KIAA1958: variants seen among roughly 807,000 people sequenced by gnomAD.
KIAA1958 encodes uncharacterized protein KIAA1958.
In KIAA1958, 14 loss-of-function variants were observed where a neutral mutation model predicts 47.2. That is an observed-to-expected ratio of 0.30 (90% CI 0.20 to 0.46). KIAA1958 has a LOEUF of 0.46. Among genes scored for constraint, KIAA1958 ranks in the 20% least tolerant of loss-of-function variants. The pLI is 1.00. For synonymous variants in KIAA1958, 354 were observed against 353.3 expected (o/e 1.00, Z -0.02); for missense variants, 803 against 909.2 (o/e 0.88, Z 1.50).
intron 1 of KIAA1958, among the ~76,000 whole-genome samples, chr9:112,570,687 C>A (rs60875409): frequency 0.11 from 16,223 of 152,252 alleles, 1,263 homozygotes; most frequent in East Asian, 0.19. Flanking sequence ...AGTACCAAAT[C>A]TGTATTAGTC....
rs534254991 is a variant in KIAA1958, at chr9:112,636,506, A to G, written c.1172-9144A>G. On this transcript the variant is annotated intron_variant, in intron 2 of 3. Coordinates refer to ENST00000337530, the MANE Select transcript of KIAA1958 (RefSeq NM_133465.4). ...AAATCTCTTAATCATAGATTTGCCT[A>G]TTTCTCTTTAATTCTTTTAATTTTT... 3.9e-5 allele frequency among the ~76,000 whole-genome samples: 6 copies of G among 152,134 alleles called. No homozygotes were observed. In the East Asian group the frequency reaches 1.2e-3, roughly 29 times the overall value.
intron 1 of KIAA1958, among the ~76,000 whole-genome samples, chr9:112,541,559 T>G (rs2132823819): frequency 1.3e-5 from 2 of 152,170 alleles, no homozygotes; most frequent in East Asian, 3.9e-4. Flanking sequence ...ATCCCAGCAC[T>G]TTGGGAGGCT....
chr9:112,629,835 C>T (rs897843274), intron 2 of KIAA1958, among the ~76,000 whole-genome samples: 3 of 152,186 alleles, frequency 2.0e-5, no homozygotes, highest in African/African-American at 7.2e-5. Flanking sequence ...TAATGAGTGT[C>T]AACAGTGTCT....
chr9:112,569,175 C>G (rs1835487123), intron 1 of KIAA1958, among the ~76,000 whole-genome samples: 1 of 151,974 alleles, frequency 6.6e-6, no homozygotes, highest in Admixed American at 6.6e-5. Context: ...TTTTGAAATT[C>G]TTGTATGATT....
intron 1 of KIAA1958, among the ~76,000 whole-genome samples, chr9:112,491,707 AACTCTTTTTAATTCTAAATAAT>A (rs1300966876): frequency 6.6e-6 from 1 of 152,098 alleles, no homozygotes. Context: ...ACATACACAT[AACTCTTTTTAATTCTAAATAAT>A]TATCCAAAGT....
intron 2 of KIAA1958, among the ~76,000 whole-genome samples, chr9:112,607,609 G>A (rs1030350522): frequency 4.6e-5 from 7 of 152,032 alleles, no homozygotes; most frequent in African/African-American, 1.7e-4. Flanking sequence ...AGGCAATGGG[G>A]AGATACTTGA....
At chr9:112,633,907 A>G (rs1431103075) in intron 2 of KIAA1958, among the ~76,000 whole-genome samples, 1 of 152,038 alleles carries the variant, frequency 6.6e-6, no homozygotes, top group Non-Finnish European at 1.5e-5. Context: ...GTTTGAGGCC[A>G]TTTATTATTT....
intron 1 of KIAA1958, among the ~76,000 whole-genome samples, chr9:112,548,794 T>G (rs570719854): frequency 6.6e-6 from 1 of 152,348 alleles, no homozygotes; most frequent in East Asian, 1.9e-4. Context: ...TATTTAGAGA[T>G]AAGGTCCTTA....
intron 1 of KIAA1958, among the ~76,000 whole-genome samples, chr9:112,498,493 A>T (rs1378916253): frequency 2.8e-4 from 43 of 152,188 alleles, no homozygotes. Context: ...CCAACTTAAA[A>T]TCCATAAAAT....
chr9:112,652,576 G>A (rs947561543), intron 3 of KIAA1958, among the ~76,000 whole-genome samples: 1 of 152,118 alleles, frequency 6.6e-6, no homozygotes, highest in African/African-American at 2.4e-5. Context: ...AGCTTGGTTC[G>A]CCTGGCACTA....
At chr9:112,580,622 T>C (rs1278395055) in intron 2 of KIAA1958, among the ~76,000 whole-genome samples, 1 of 151,880 alleles carries the variant, frequency 6.6e-6, no homozygotes, top group East Asian at 1.9e-4. Context: ...CCCCATCTCT[T>C]CTGAAAATAC....
At chr9:112,573,833 C>T (rs892307628) in intron 1 of KIAA1958, among the ~76,000 whole-genome samples, 1 of 152,082 alleles carries the variant, frequency 6.6e-6, no homozygotes, top group South Asian at 2.1e-4. Context: ...AGAAAAGTAA[C>T]AAAATTTTTC....
intron 1 of KIAA1958, among the ~76,000 whole-genome samples, chr9:112,510,910 C>G (rs531212585): frequency 1.3e-5 from 2 of 152,026 alleles, no homozygotes; most frequent in South Asian, 4.2e-4. Flanking sequence ...AACAGCATTC[C>G]AGGCAGCCAG....
rs1473272735 is a variant in KIAA1958, at chr9:112,663,241, C to G, written c.*3172C>G. 6.6e-6 allele frequency: 1 copy of G among 152,210 alleles called. No homozygotes were observed. The highest frequency in any genetic ancestry group is 2.4e-5 in the African/African-American group (1 of 41,260). 9.4% of individuals were successfully genotyped at this position (152,210 alleles called of 1,614,324 possible). On this transcript the variant is annotated 3_prime_UTR_variant, in exon 4 of 4. Transcript: ENST00000337530. ...AGGGAGCCCTACTTTCTGTCTATCC[C>G]CCCCACCGCCGGCCCCCGGAATCTA...
intron 1 of KIAA1958, among the ~76,000 whole-genome samples, chr9:112,524,538 A>G (rs1353963111): frequency 6.6e-6 from 1 of 152,208 alleles, no homozygotes; most frequent in Non-Finnish European, 1.5e-5. Context: ...GTTCATTCAC[A>G]TTGTTGTGCT....
chr9:112,574,103 C>T lies in KIAA1958; in HGVS notation c.23C>T (p.Ser8Leu), dbSNP rs867260044. ...AACATGGAGGATTGTCTTCATACCT[C>T]ATCTGAGAATCTGTCCAAATTGGTC... The part of the protein sequence containing the change: MEDCLHT[S>L]SENLSKLVSW... Residue 8 changes from serine to leucine, a missense_variant, in exon 2 of 4, where the codon TCA becomes TTA. By Grantham distance (145) the Ser-to-Leu change is moderately radical. Around this residue, in one of 2 missense-constraint regions of KIAA1958, gnomAD observed 42 missense variants for 79.9 expected, o/e 0.53. Coordinates refer to ENST00000337530, the MANE Select transcript of KIAA1958 (RefSeq NM_133465.4). The T allele has an allele frequency of 6.3e-7, 1 of 1,599,594 alleles. No homozygotes were observed. Among genetic ancestry groups the T allele is most frequent in the Non-Finnish European group, 8.5e-7 (1 of 1,170,878 alleles).
rs1285456723 is a variant in KIAA1958 at position 112,659,734 on chromosome 9, C to G, written c.1816C>G (p.Arg606Gly). 3 of 1,614,040 alleles carry G rather than the reference C, an allele frequency of 1.9e-6. No individual in the cohort carries two copies. The highest frequency in any genetic ancestry group is 3.3e-5 in the Admixed American group (2 of 60,006). The change falls in exon 4 of 4, where the codon CGG becomes GGG. Residue 606 changes from arginine (R) to glycine (G), a missense_variant. Coordinates refer to ENST00000337530, the MANE Select transcript of KIAA1958 (RefSeq NM_133465.4). ...GACGGACAGCGTCAAGCGGGAGAGTCGGAGCGGCTCCACCAGAGTGTGTCA... is the reference window on the plus strand; with the variant it reads ...GACGGACAGCGTCAAGCGGGAGAGTGGGAGCGGCTCCACCAGAGTGTGTCA... ...ARTDSVKRES[R>G]SGSTRVCHGK...
intron 2 of KIAA1958, among the ~76,000 whole-genome samples, chr9:112,616,794 A>T (rs1836414157): frequency 6.6e-6 from 1 of 152,236 alleles, no homozygotes; most frequent in African/African-American, 2.4e-5. Context: ...AAATGAAACC[A>T]TGTAAATGAT....
chr9:112,634,251 G>A (rs761775157), intron 2 of KIAA1958, among the ~76,000 whole-genome samples: 25 of 152,176 alleles, frequency 1.6e-4, no homozygotes, highest in Non-Finnish European at 3.1e-4. Context: ...TTTTTGGGAT[G>A]GAGTTTTGCT....
Sources: allele counts gnomAD v4.1 joint callset (sites outside exome capture counted in the v4.1 genomes callset), GRCh38; gene constraint gnomAD v4.1.1; regional missense constraint gnomAD v4.1.1; transcripts MANE v1.5; gene names NCBI Gene and HGNC (gene_info 2026-07-23, HGNC 2026-07-21).